GALNT1: variants seen among roughly 807,000 people sequenced by gnomAD.
The protein encoded by GALNT1 is polypeptide N-acetylgalactosaminyltransferase 1, also known as GalNAc transferase 1.
Under a neutral mutation model 65.7 loss-of-function variants are expected in GALNT1, and 17 were observed. That is an observed-to-expected ratio of 0.26 (90% CI 0.18 to 0.39). The LOEUF (loss-of-function observed/expected upper bound fraction) is 0.39. GALNT1 is among the 10% of genes least tolerant of loss of function. The pLI is 1.00. For synonymous variants in GALNT1, 210 were observed against 219.7 expected, an observed-to-expected ratio of 0.96 and a Z score of 0.39; for missense variants, 460 against 672.8, an observed-to-expected ratio of 0.68 and a Z score of 3.50.
chr18:35,684,360 A>C (rs1335962438), intron 5 of GALNT1, among the ~76,000 whole-genome samples: 1 of 152,190 alleles, frequency 6.6e-6, no homozygotes, highest in Non-Finnish European at 1.5e-5. Context: ...TTTCCCTTTC[A>C]AAGATGAATA....
intron 1 of GALNT1, among the ~76,000 whole-genome samples, chr18:35,612,880 C>G (rs982287646): frequency 6.6e-6 from 1 of 151,190 alleles, no homozygotes; most frequent in Non-Finnish European, 1.5e-5. Flanking sequence ...AAAAAAAAAT[C>G]CGTAGGCAGC....
chr18:35,592,616 T>C (rs540527413), intron 1 of GALNT1, among the ~76,000 whole-genome samples: 3 of 152,220 alleles, frequency 2.0e-5, no homozygotes, highest in African/African-American at 7.2e-5. Context: ...AGGAGAAAGC[T>C]CTGCTCCTGA....
intron 1 of GALNT1, among the ~76,000 whole-genome samples, chr18:35,637,557 T>C (rs60798258): frequency 0.095 from 14,510 of 152,202 alleles, 836 homozygotes; most frequent in African/African-American, 0.17. Flanking sequence ...AGAAGAAAAG[T>C]TTGAAGCTAG....
chr18:35,683,962 C>T (rs887427333), intron 5 of GALNT1, among the ~76,000 whole-genome samples: 1 of 152,212 alleles, frequency 6.6e-6, no homozygotes, highest in Middle Eastern at 3.2e-3. Flanking sequence ...GGCAGATCCT[C>T]TCAGCTTGTA....
At chr18:35,617,462 A>G (rs1168439245) in intron 1 of GALNT1, among the ~76,000 whole-genome samples, 1 of 152,218 alleles carries the variant, frequency 6.6e-6, no homozygotes, top group African/African-American at 2.4e-5. Flanking sequence ...TTTTAACATC[A>G]TATTTCGAGA....
chr18:35,582,033 G>A (rs2046328296), intron 1 of GALNT1, among the ~76,000 whole-genome samples, 171 bp downstream of exon 1: 1 of 152,038 alleles, frequency 6.6e-6, no homozygotes, highest in African/African-American at 2.4e-5. Context: ...GGACCCCGGT[G>A]CCGTTGGACA....
chr18:35,651,692 C>T (rs1348747805), intron 1 of GALNT1, among the ~76,000 whole-genome samples: 1 of 152,070 alleles, frequency 6.6e-6, no homozygotes, highest in Non-Finnish European at 1.5e-5. Flanking sequence ...GAAGGACACA[C>T]AAAAGTTGCT....
intron 3 of GALNT1, among the ~76,000 whole-genome samples, chr18:35,674,697 A>T (rs1198854681): frequency 6.6e-6 from 1 of 152,212 alleles, no homozygotes; most frequent in East Asian, 1.9e-4. Flanking sequence ...AAATTAGCAT[A>T]AACTGGCGGA....
chr18:35,603,396 A>G (rs1488375184), intron 1 of GALNT1, among the ~76,000 whole-genome samples: 1 of 152,114 alleles, frequency 6.6e-6, no homozygotes, highest in East Asian at 1.9e-4. Context: ...TACTAGCCTC[A>G]GATTCAAGTT....
intron 4 of GALNT1, among the ~76,000 whole-genome samples, chr18:35,680,995 CA>C (rs2047779029): frequency 6.6e-6 from 1 of 152,068 alleles, no homozygotes; most frequent in Non-Finnish European, 1.5e-5. Flanking sequence ...TCATTTTATA[CA>C]AAAAGCAGAG....
At chr18:35,664,526 C>T (rs937445736) in intron 3 of GALNT1, 1 of 152,162 alleles carries the variant, frequency 6.6e-6, no homozygotes, top group Non-Finnish European at 1.5e-5. Context: ...TTGTTCATGT[C>T]TTTTGGAGGA....
intron 1 of GALNT1, among the ~76,000 whole-genome samples, chr18:35,630,231 C>A (rs1291799245): frequency 1.3e-5 from 2 of 152,146 alleles, no homozygotes; most frequent in Admixed American, 1.3e-4. Flanking sequence ...ACTCTCCACC[C>A]CAAATCAACA....
intron 1 of GALNT1, among the ~76,000 whole-genome samples, chr18:35,592,126 A>T (rs1357002385): frequency 6.6e-6 from 1 of 152,090 alleles, no homozygotes; most frequent in African/African-American, 2.4e-5. Context: ...AGTGGTAGAA[A>T]GGGCTGAGGA....
chr18:35,632,772 A>C (rs2047032313), intron 1 of GALNT1, among the ~76,000 whole-genome samples: 1 of 152,210 alleles, frequency 6.6e-6, no homozygotes, highest in South Asian at 2.1e-4. Flanking sequence ...CAACCTACAG[A>C]ATGGGAGAAA....
intron 1 of GALNT1, among the ~76,000 whole-genome samples, chr18:35,640,239 C>G (rs1324597989): frequency 6.6e-6 from 1 of 152,128 alleles, no homozygotes; most frequent in African/African-American, 2.4e-5. Context: ...CTGTTGTTAC[C>G]TTCCTTTTTC....
chr18:35,700,178 G>C (rs16967025), intron 9 of GALNT1, among the ~76,000 whole-genome samples: 9,386 of 152,214 alleles, frequency 0.062, 323 homozygotes, highest in South Asian at 0.077. Flanking sequence ...AATGTTCTCT[G>C]AAAACTCTAT....
chr18:35,706,521 T>TA (rs1051271763), intron 11 of GALNT1, among the ~76,000 whole-genome samples: 2 of 151,624 alleles, frequency 1.3e-5, no homozygotes, highest in Admixed American at 6.6e-5. Context: ...AATTAAATTT[T>TA]AAAAAAAAGA....
intron 1 of GALNT1, among the ~76,000 whole-genome samples, chr18:35,650,051 G>A (rs2047288807): frequency 6.6e-6 from 1 of 152,122 alleles, no homozygotes; most frequent in South Asian, 2.1e-4. Context: ...AGCAGCCTCT[G>A]GAAAATGTGG....
intron 11 of GALNT1, among the ~76,000 whole-genome samples, chr18:35,709,225 A>C (rs1356386767): frequency 6.6e-6 from 1 of 152,226 alleles, no homozygotes; most frequent in East Asian, 1.9e-4. Context: ...TAGGTTGAGG[A>C]TCCTAAATTA....
Sources: gnomAD v4.1 joint callset for allele counts (sites outside exome capture counted in the v4.1 genomes callset) on GRCh38, gnomAD v4.1.1 for gene constraint, MANE v1.5 for transcripts, NCBI Gene and HGNC (gene_info 2026-07-23, HGNC 2026-07-21) for gene names.